The following TBC1D5 variants were observed in gnomAD, a reference collection of about 807,000 sequenced individuals.
TBC1D5 encodes TBC1 domain family member 5, also known as TBC1 domain family, member 5.
In TBC1D5, 75 loss-of-function variants were observed where a neutral mutation model predicts 100.3. That is an observed-to-expected ratio of 0.75 (90% CI 0.62 to 0.91). The LOEUF is 0.91. Among genes scored for constraint, TBC1D5 ranks in the 40% least tolerant of loss-of-function variants. The pLI, the probability that TBC1D5 is intolerant of heterozygous loss-of-function variation, is 0.00. For missense variants in TBC1D5, 910 were observed against 942.4 expected (o/e 0.97, Z 0.45); for synonymous variants, 323 against 325.6 (o/e 0.99, Z 0.09).
At chr3:17,335,858 A>C (rs2087681392) in intron 13 of TBC1D5, among the ~76,000 whole-genome samples, 1 of 152,184 alleles carries the variant, frequency 6.6e-6, no homozygotes, top group African/African-American at 2.4e-5. Flanking sequence ...TTATGTTGGC[A>C]CAGTGAGCTG....
chr3:17,629,989 C>T (rs1158482589), intron 1 of TBC1D5, among the ~76,000 whole-genome samples: 1 of 152,148 alleles, frequency 6.6e-6, no homozygotes, highest in East Asian at 1.9e-4. Context: ...GGCAGGATGA[C>T]AGGCAAACAG....
intron 15 of TBC1D5, among the ~76,000 whole-genome samples, chr3:17,289,323 C>T (rs1038293217): frequency 4.6e-5 from 7 of 152,064 alleles, no homozygotes; most frequent in East Asian, 1.9e-4. Context: ...GTGCCTCCTG[C>T]GGCAGGCCCA....
At chr3:17,730,552 T>TGTAA (rs1364177934) in intron 1 of TBC1D5, among the ~76,000 whole-genome samples, 1 of 152,206 alleles carries the variant, frequency 6.6e-6, no homozygotes, top group African/African-American at 2.4e-5. Context: ...CTGCCAGCTA[T>TGTAA]GTAAGTGAGC....
chr3:17,634,610 G>A (rs1374343558), intron 1 of TBC1D5, among the ~76,000 whole-genome samples: 1 of 148,626 alleles, frequency 6.7e-6, no homozygotes, highest in African/African-American at 2.4e-5. Flanking sequence ...AGGGGACGTG[G>A]GGATGGCTAA....
chr3:17,442,978 G>C lies in TBC1D5; in HGVS notation c.98-14459C>G, dbSNP rs141804972. On this transcript the variant is annotated intron_variant, in intron 3 of 21. Coordinates refer to ENST00000253692, the Ensembl canonical transcript of TBC1D5. ...GGGAGGAAAGGGAAGAGAGGAAGGA[G>C]AAAAATTCTCCAGAGGATTTAACAG... 3.0e-3 allele frequency among the ~76,000 whole-genome samples: 461 copies of C among 151,744 alleles called. 1 individual carries two copies. The highest frequency in any genetic ancestry group is 0.017 in the Middle Eastern group (5 of 292).
intron 2 of TBC1D5, among the ~76,000 whole-genome samples, chr3:17,530,418 G>A (rs972404390): frequency 1.3e-5 from 2 of 152,088 alleles, no homozygotes; most frequent in Non-Finnish European, 2.9e-5. Flanking sequence ...TCTGTTTAGA[G>A]GGAGTGACCA....
At position 17,328,115 on chromosome 3, in the gene TBC1D5, TA is replaced by T. The variant is rs11340521; in HGVS notation, c.996-19982del. Among the ~76,000 whole-genome samples the T allele has an allele frequency of 4.4e-3, 674 of 152,040 alleles. 4 individuals are homozygous for T. Among genetic ancestry groups the T allele is most frequent in the African/African-American group, 0.014 (583 of 41,450 alleles). Reference sequence around the variant, plus strand: ...TGAGACACTGTATCTACAAAAATTTTAAAAATTAGCCAGGTGTGGTGGTACA... The same window carrying T: ...TGAGACACTGTATCTACAAAAATTTTAAAATTAGCCAGGTGTGGTGGTACA... On this transcript the variant is annotated intron_variant, in intron 13 of 21. Transcript: ENST00000253692.
intron 1 of TBC1D5, among the ~76,000 whole-genome samples, chr3:17,637,377 T>C (rs2153689643): frequency 6.6e-6 from 1 of 151,370 alleles, no homozygotes. Context: ...AATATTTTTA[T>C]AACCTTGGAA....
chr3:17,694,682 T>C (rs1362802603), intron 1 of TBC1D5, among the ~76,000 whole-genome samples: 4 of 152,168 alleles, frequency 2.6e-5, no homozygotes, highest in Admixed American at 6.5e-5. Context: ...TTCAGGATAT[T>C]ATCCAGGAAA....
At chr3:17,514,576 C>T (rs1376078339) in intron 2 of TBC1D5, among the ~76,000 whole-genome samples, 1 of 152,104 alleles carries the variant, frequency 6.6e-6, no homozygotes, top group East Asian at 1.9e-4. Context: ...AATTAAAATA[C>T]TAGACTCATA....
In TBC1D5 at chr3:17,321,693, G is replaced by A. The variant is rs148355201; in HGVS notation, c.996-13559C>T. Among the ~76,000 whole-genome samples, 1,495 of 152,190 alleles carry A rather than the reference G, an allele frequency of 9.8e-3. 27 individuals are homozygous for A. The highest frequency in any genetic ancestry group is 0.034 in the African/African-American group (1,400 of 41,504). Reference sequence around the variant, plus strand: ...TAATTTCAGTTTTGATTTCCTTTTAGTACAAGAGTAAAGAGAGTTTTATGA... The same window carrying A: ...TAATTTCAGTTTTGATTTCCTTTTAATACAAGAGTAAAGAGAGTTTTATGA... On this transcript the variant is annotated intron_variant, in intron 13 of 21. Transcript: ENST00000253692.
chr3:17,385,242 T>C (rs1366006449), intron 8 of TBC1D5, among the ~76,000 whole-genome samples: 1 of 151,994 alleles, frequency 6.6e-6, no homozygotes, highest in Non-Finnish European at 1.5e-5. Flanking sequence ...TATAATAGTA[T>C]TTGAGTAATG....
chr3:17,459,328 G>C (rs116370977), intron 3 of TBC1D5, among the ~76,000 whole-genome samples: 1 of 152,134 alleles, frequency 6.6e-6, no homozygotes, highest in Non-Finnish European at 1.5e-5. Flanking sequence ...CTCATAAGGA[G>C]TGTGCAACCC....
chr3:17,176,953 T>A (rs577134133), intron 19 of TBC1D5, among the ~76,000 whole-genome samples: 1 of 152,316 alleles, frequency 6.6e-6, no homozygotes, highest in South Asian at 2.1e-4. Flanking sequence ...GTGGGAGTGC[T>A]ACAACGCCAA....
At chr3:17,356,002 C>G (rs982312080) in intron 13 of TBC1D5, among the ~76,000 whole-genome samples, 2 of 151,966 alleles carry the variant, frequency 1.3e-5, no homozygotes, top group African/African-American at 4.8e-5. Context: ...GTTACAATGA[C>G]CATGCTTTAG....
chr3:17,554,352 C>A (rs991260211), intron 2 of TBC1D5, among the ~76,000 whole-genome samples: 1 of 152,074 alleles, frequency 6.6e-6, no homozygotes, highest in Non-Finnish European at 1.5e-5. Flanking sequence ...TGTGGGAGAC[C>A]AGTCAGAGTT....
chr3:17,692,752 G>A (rs1293773623), intron 1 of TBC1D5, among the ~76,000 whole-genome samples: 1 of 152,184 alleles, frequency 6.6e-6, no homozygotes, highest in African/African-American at 2.4e-5. Flanking sequence ...AGTAAAATCA[G>A]TTTGCAGACC....
At chr3:17,481,651 G>A (rs1014802617) in intron 3 of TBC1D5, among the ~76,000 whole-genome samples, 9 of 152,312 alleles carry the variant, frequency 5.9e-5, no homozygotes, top group Admixed American at 4.6e-4. Flanking sequence ...GCCACTCTTC[G>A]TAAGAATAAC....
At chr3:17,379,437 T>C (rs2092843346) in intron 9 of TBC1D5, among the ~76,000 whole-genome samples, 1 of 152,088 alleles carries the variant, frequency 6.6e-6, no homozygotes, top group Admixed American at 6.6e-5. Context: ...CTTTAAATGT[T>C]CTCTTCCTTC....
Sources: gnomAD v4.1 joint callset for allele counts (sites outside exome capture counted in the v4.1 genomes callset) on GRCh38, gnomAD v4.1.1 for gene constraint, MANE v1.5 for transcripts, NCBI Gene and HGNC (gene_info 2026-07-23, HGNC 2026-07-21) for gene names.